The following NUP93 variants were observed in gnomAD, a reference collection of about 807,000 sequenced individuals.
NUP93 encodes nuclear pore complex protein Nup93.
In NUP93, 55 loss-of-function variants were observed where a neutral mutation model predicts 107.8. That is an observed-to-expected ratio of 0.51 (90% confidence interval 0.41 to 0.64). The LOEUF (loss-of-function observed/expected upper bound fraction) is 0.64. Among genes scored for constraint, NUP93 ranks in the 30% least tolerant of loss-of-function variants. The pLI is 0.00. For missense variants in NUP93, 937 were observed against 1,044.7 expected (o/e 0.90, Z 1.42); for synonymous variants, 390 against 397.5 (o/e 0.98, Z 0.22).
At chr16:56,753,248 AATC>A (rs1385891270) in intron 2 of NUP93, among the ~76,000 whole-genome samples, 1 of 152,218 alleles carries the variant, frequency 6.6e-6, no homozygotes, top group Non-Finnish European at 1.5e-5. Flanking sequence ...GGGTCTAAGC[AATC>A]ATCATCAAGA....
chr16:56,843,459 A>G (rs1161220347), intron 21 of NUP93, among the ~76,000 whole-genome samples: 1 of 152,122 alleles, frequency 6.6e-6, no homozygotes, highest in Non-Finnish European at 1.5e-5. Context: ...TCTGAAAGGT[A>G]GGGAGGGATA....
chr16:56,758,376 C>A (rs1194621756), intron 2 of NUP93, among the ~76,000 whole-genome samples, 162 bp from the exon 3 acceptor site: 1 of 152,086 alleles, frequency 6.6e-6, no homozygotes, highest in African/African-American at 2.4e-5. Flanking sequence ...CAGGTGATGT[C>A]TATGGAAAGA....
At chr16:56,815,917 GTGC>G (rs1362561971) in intron 5 of NUP93, among the ~76,000 whole-genome samples, 1 of 129,302 alleles carries the variant, frequency 7.7e-6, no homozygotes, top group African/African-American at 2.8e-5. Flanking sequence ...GCTGCTGCTG[GTGC>G]TGCTGCTGCT....
chr16:56,740,292 T>G (rs1452593424), intron 1 of NUP93, among the ~76,000 whole-genome samples: 5 of 123,526 alleles, frequency 4.0e-5, no homozygotes, highest in South Asian at 2.8e-4. Flanking sequence ...GGGCAGAGGG[T>G]CTCCTCACTT....
chr16:56,769,682 G>C (rs115988868), intron 3 of NUP93, among the ~76,000 whole-genome samples: 1 of 152,154 alleles, frequency 6.6e-6, no homozygotes, highest in African/African-American at 2.4e-5. Flanking sequence ...GTTGTGTTCA[G>C]CTTCTTGCTT....
chr16:56,749,077 T>A (rs1198391899), intron 2 of NUP93, among the ~76,000 whole-genome samples: 1 of 152,168 alleles, frequency 6.6e-6, no homozygotes, highest in African/African-American at 2.4e-5. Flanking sequence ...AGTTGGGCTG[T>A]TGATTCCACA....
At chr16:56,839,880 A>G (rs1451312297) in intron 20 of NUP93, 1 of 414,538 alleles carries the variant, frequency 2.4e-6, no homozygotes, top group Non-Finnish European at 4.5e-6. Context: ...TGATCTGTGA[A>G]GTCTGGTTTA....
intron 3 of NUP93, among the ~76,000 whole-genome samples, chr16:56,795,517 A>C (rs1460394403): frequency 2.6e-5 from 4 of 152,140 alleles, no homozygotes; most frequent in African/African-American, 9.7e-5. Flanking sequence ...ATGTCATTAC[A>C]TTATTAGGCA....
intron 3 of NUP93, among the ~76,000 whole-genome samples, chr16:56,761,603 A>G (rs1207685546): frequency 5.3e-5 from 8 of 151,142 alleles, no homozygotes; most frequent in Admixed American, 2.6e-4. Flanking sequence ...TCCATGTGCT[A>G]TCAGTCAGAG....
At chr16:56,838,595 G>T (rs1963959069) in intron 18 of NUP93, among the ~76,000 whole-genome samples, 2 of 152,056 alleles carry the variant, frequency 1.3e-5, no homozygotes, top group African/African-American at 4.8e-5. Context: ...GGGTCTCCCT[G>T]TATCACCCAG....
intron 18 of NUP93, 60 bp from the exon 19 acceptor site, chr16:56,838,892 C>T (rs921956829): frequency 2.1e-5 from 24 of 1,167,610 alleles, no homozygotes; most frequent in African/African-American, 1.1e-4. Context: ...TCCACTGTTA[C>T]GGATTACACA....
At chr16:56,757,278 T>C (rs1363042141) in intron 2 of NUP93, among the ~76,000 whole-genome samples, 1 of 152,222 alleles carries the variant, frequency 6.6e-6, no homozygotes, top group East Asian at 1.9e-4. Flanking sequence ...ACAAATGTTA[T>C]CAGTGAGAGT....
At chr16:56,834,692 A>G (rs2144637120) in intron 15 of NUP93, 42 bp from the exon 16 acceptor site, 7 of 1,556,442 alleles carry the variant, frequency 4.5e-6, no homozygotes, top group Non-Finnish European at 6.2e-6. Flanking sequence ...ATATGTTTAT[A>G]TCTTTGTCCA....
At chr16:56,773,968 CAT>C (rs1253850786) in intron 3 of NUP93, among the ~76,000 whole-genome samples, 4 of 152,032 alleles carry the variant, frequency 2.6e-5, no homozygotes, top group Non-Finnish European at 5.9e-5. Context: ...ATGTTTAAAA[CAT>C]ATATATTTAA....
At chr16:56,750,465 G>A (rs1210819603) in intron 2 of NUP93, among the ~76,000 whole-genome samples, 2 of 152,186 alleles carry the variant, frequency 1.3e-5, no homozygotes, top group African/African-American at 2.4e-5. Flanking sequence ...GAAATGTTAT[G>A]TGCCAAATTT....
intron 3 of NUP93, among the ~76,000 whole-genome samples, chr16:56,765,004 A>G (rs1962192322): frequency 6.6e-6 from 1 of 152,252 alleles, no homozygotes; most frequent in Non-Finnish European, 1.5e-5. Flanking sequence ...TAAGAGTTGC[A>G]TCTGTTTGCC....
intron 3 of NUP93, among the ~76,000 whole-genome samples, chr16:56,787,707 A>G (rs1435637546): frequency 2.0e-5 from 3 of 152,126 alleles, no homozygotes; most frequent in Non-Finnish European, 4.4e-5. Flanking sequence ...GGTCATGATA[A>G]AGGCCACTAT....
At chr16:56,773,461 T>C (rs1028739194) in intron 3 of NUP93, among the ~76,000 whole-genome samples, 108 of 152,344 alleles carry the variant, frequency 7.1e-4, no homozygotes, top group African/African-American at 2.4e-3. Context: ...ATCTCATCTC[T>C]GTCTTTGTAT....
Position 56,846,611 on chromosome 16 carries a change from G to A in NUP93, c.*2002G>A, listed in dbSNP as rs1964120129. On this transcript the variant is annotated 3_prime_UTR_variant, in exon 22 of 22. Coordinates refer to ENST00000308159, the MANE Select transcript of NUP93 (RefSeq NM_014669.5). ...TGTAATCCCAGCTACTCGGGAGGCT[G>A]AGGCAGGAGAATCACTTGAACCCAA... is the stretch of plus-strand genomic sequence containing the variant. 6.6e-6 allele frequency: 1 copy of A among 152,126 alleles called. No homozygotes were observed. The highest frequency in any genetic ancestry group is 1.5e-5 in the Non-Finnish European group (1 of 68,036). 9.4% of individuals were successfully genotyped at this position (152,126 alleles called of 1,614,324 possible).
Sources: allele counts gnomAD v4.1 joint callset (sites outside exome capture counted in the v4.1 genomes callset), GRCh38; gene constraint gnomAD v4.1.1; transcripts MANE v1.5; gene names NCBI Gene and HGNC (gene_info 2026-07-23, HGNC 2026-07-21).